MED13L: variants seen among roughly 807,000 people sequenced by gnomAD.
The protein encoded by MED13L is mediator complex subunit 13L, also known as mediator of RNA polymerase II transcription subunit 13-like.
A neutral mutation model predicts 220.9 loss-of-function variants in MED13L; 7 were observed. The ratio of observed to expected loss-of-function variants is 0.03; its 90% CI spans 0.02 to 0.06. MED13L has a LOEUF of 0.06. Among genes scored for constraint, MED13L ranks in the 10% least tolerant of loss-of-function variants. MED13L has a pLI of 1.00. For missense variants in MED13L, 1,965 were observed against 2,760.5 expected, an observed-to-expected ratio of 0.71 and a Z score of 6.46; for synonymous variants, 1,011 against 1,015.2, an observed-to-expected ratio of 1.00 and a Z score of 0.08.
At chr12:116,152,912 T>C (rs975595859) in intron 2 of MED13L, among the ~76,000 whole-genome samples, 1 of 151,928 alleles carries the variant, frequency 6.6e-6, no homozygotes, top group Admixed American at 6.6e-5. Context: ...TTTTCATATA[T>C]CTGACATTTT....
At chr12:115,996,973 T>C in intron 15 of MED13L, 37 bp downstream of exon 15, 1 of 1,577,306 alleles carries the variant, frequency 6.3e-7, no homozygotes, top group Non-Finnish European at 8.7e-7. Context: ...ACTTGGAAAC[T>C]GCTCTGCCCT....
At chr12:116,202,862 C>G (rs1882090475) in intron 2 of MED13L, among the ~76,000 whole-genome samples, 2 of 152,072 alleles carry the variant, frequency 1.3e-5, no homozygotes. Flanking sequence ...GGAGAAAATG[C>G]AAAGTTAGAA....
chr12:116,244,167 T>C (rs1189144057), intron 1 of MED13L, among the ~76,000 whole-genome samples: 2 of 152,208 alleles, frequency 1.3e-5, no homozygotes, highest in Admixed American at 1.3e-4. Flanking sequence ...CGGCCTCACC[T>C]CACTTCCTCC....
At chr12:116,046,229 A>T (rs566475776) in intron 4 of MED13L, among the ~76,000 whole-genome samples, 1 of 152,324 alleles carries the variant, frequency 6.6e-6, no homozygotes, top group South Asian at 2.1e-4. Context: ...TATTTTCAAA[A>T]GCTGAATCAG....
In MED13L at chr12:116,277,205, G is replaced by C; in HGVS notation, c.-74C>G. On this transcript the variant is annotated 5_prime_UTR_variant, in exon 1 of 31. Coordinates refer to ENST00000281928, the MANE Select transcript of MED13L (RefSeq NM_015335.5). The stretch of plus-strand genomic sequence containing the variant: ...GTCCGAGGCGAGGCCGGGCCGGGCG[G>C]CGGCGCCTCGCCGGGGAGCGCGGGG... 1 of 1,019,488 alleles carries C rather than the reference G, an allele frequency of 9.8e-7. No individual in the cohort carries two copies. The highest frequency in any genetic ancestry group is 1.2e-6 in the Non-Finnish European group (1 of 805,276). The allele number at this position is 1,019,488 out of a possible 1,614,324, so 63.2% of individuals were successfully genotyped here. A position where few individuals can be genotyped will look rare whatever the true frequency, so the allele number is the denominator to read the frequency against.
chr12:116,145,491 G>A (rs772110277), intron 2 of MED13L, among the ~76,000 whole-genome samples: 42 of 151,930 alleles, frequency 2.8e-4, no homozygotes, highest in Non-Finnish European at 4.4e-4. Flanking sequence ...GTTGCTTCAA[G>A]CGCTTTTTTT....
chr12:116,088,897 A>G (rs1871952121), intron 4 of MED13L, among the ~76,000 whole-genome samples: 1 of 152,186 alleles, frequency 6.6e-6, no homozygotes, highest in Non-Finnish European at 1.5e-5. Flanking sequence ...TATAATTCAA[A>G]ATTATTCAAC....
intron 2 of MED13L, among the ~76,000 whole-genome samples, chr12:116,113,798 G>A (rs1341528983): frequency 3.7e-4 from 25 of 68,226 alleles, no homozygotes; most frequent in African/African-American, 1.4e-3. Flanking sequence ...GGGGAAGAGG[G>A]AGAGGGGAGG....
intron 2 of MED13L, among the ~76,000 whole-genome samples, chr12:116,189,192 CATTTTA>C (rs1483245969): frequency 6.6e-6 from 1 of 152,130 alleles, no homozygotes; most frequent in Non-Finnish European, 1.5e-5. Context: ...ACTAATTTTT[CATTTTA>C]GTCATTCTGT....
chr12:116,002,684 A>C (rs1878822225), intron 14 of MED13L, among the ~76,000 whole-genome samples: 1 of 152,232 alleles, frequency 6.6e-6, no homozygotes, highest in African/African-American at 2.4e-5. Flanking sequence ...TTGAAAAATC[A>C]CTTGTGCAGC....
intron 4 of MED13L, among the ~76,000 whole-genome samples, chr12:116,033,855 C>T (rs1189694973): frequency 6.6e-6 from 1 of 152,114 alleles, no homozygotes; most frequent in Non-Finnish European, 1.5e-5. Flanking sequence ...TAGCTAAACA[C>T]AACATAAACC....
intron 2 of MED13L, among the ~76,000 whole-genome samples, chr12:116,147,861 T>C (rs868013762): frequency 5.3e-5 from 8 of 151,690 alleles, no homozygotes; most frequent in Middle Eastern, 3.4e-3. Context: ...AATTATCATA[T>C]ATACTGTTAA....
intron 2 of MED13L, among the ~76,000 whole-genome samples, chr12:116,120,769 T>C (rs1336083730): frequency 1.3e-5 from 2 of 152,110 alleles, no homozygotes; most frequent in African/African-American, 4.8e-5. Context: ...CTTTCCAGTT[T>C]CTATTTAAAT....
chr12:116,077,145 C>T (rs1318453607), intron 4 of MED13L, among the ~76,000 whole-genome samples: 3 of 152,172 alleles, frequency 2.0e-5, no homozygotes, highest in South Asian at 2.1e-4. Context: ...TTTACTAGAG[C>T]CCATATCAGT....
intron 16 of MED13L, 94 bp downstream of exon 16, chr12:115,996,382 G>A (rs567151489): frequency 3.1e-5 from 44 of 1,429,346 alleles, no homozygotes; most frequent in South Asian, 1.4e-4. Flanking sequence ...ATGAGCCACC[G>A]CGCCCGGACC....
In MED13L at chr12:116,001,321, C is replaced by T. The variant is rs747337059; in HGVS notation, c.2569+1682G>A. 5.9e-5 allele frequency among the ~76,000 whole-genome samples: 9 copies of T among 152,146 alleles called. No individual in the cohort carries two copies. In the East Asian group the frequency reaches 1.4e-3, roughly 23 times the overall value. On this transcript the variant is annotated intron_variant, in intron 14 of 30. Coordinates refer to ENST00000281928, the MANE Select transcript of MED13L (RefSeq NM_015335.5). The stretch of plus-strand genomic sequence containing the variant: ...AAGTGATTCTCCTGCCTCAGCCTCC[C>T]GAGTAGCTGGGATTAGAGGTGCACA...
chr12:115,973,500 G>A (rs1158889092), intron 25 of MED13L, among the ~76,000 whole-genome samples: 2 of 152,188 alleles, frequency 1.3e-5, no homozygotes, highest in Non-Finnish European at 2.9e-5. Flanking sequence ...TAAGGAAGAA[G>A]AATGTGCCCT....
chr12:116,035,807 T>C (rs1176675518), intron 4 of MED13L, among the ~76,000 whole-genome samples: 5 of 151,956 alleles, frequency 3.3e-5, no homozygotes. Context: ...CCCAGGATCG[T>C]CTCGAAGGAC....
chr12:115,986,607 C>A (rs1877707550), intron 18 of MED13L, 118 bp from the exon 19 acceptor site: 2 of 940,576 alleles, frequency 2.1e-6, no homozygotes, highest in African/African-American at 3.3e-5. Context: ...TCCATGTTCA[C>A]AAGACATTCT....
Sources: allele counts gnomAD v4.1 joint callset (sites outside exome capture counted in the v4.1 genomes callset), GRCh38; gene constraint gnomAD v4.1.1; transcripts MANE v1.5; gene names NCBI Gene and HGNC (gene_info 2026-07-23, HGNC 2026-07-21).